FHIT: variants seen among roughly 807,000 people sequenced by gnomAD.
FHIT encodes fragile histidine triad diadenosine triphosphatase.
A neutral mutation model predicts 17.9 loss-of-function variants in FHIT; 19 were observed. The ratio of observed to expected loss-of-function variants is 1.06; its 90% CI spans 0.74 to 1.56. The LOEUF (loss-of-function observed/expected upper bound fraction) is 1.56, where lower values mean the gene tolerates loss of function less well. Among genes scored for constraint, FHIT ranks in the 40% most tolerant of loss-of-function variants. FHIT has a pLI of 0.00. For synonymous variants in FHIT, 81 were observed against 69.7 expected (o/e 1.16, Z -0.81); for missense variants, 248 against 189.2 (o/e 1.31, Z -1.82).
intron 5 of FHIT, among the ~76,000 whole-genome samples, chr3:60,101,323 C>G (rs1218823202): frequency 6.6e-6 from 1 of 152,244 alleles, no homozygotes; most frequent in Admixed American, 6.5e-5. Context: ...CTCTCCCTCA[C>G]ACCTCCTGCA....
At chr3:60,239,896 C>T (rs923908743) in intron 5 of FHIT, among the ~76,000 whole-genome samples, 3 of 152,148 alleles carry the variant, frequency 2.0e-5, no homozygotes, top group Admixed American at 1.3e-4. Context: ...CTCTATTCTA[C>T]TCTCCCTATT....
chr3:60,375,568 G>C (rs753492674), intron 5 of FHIT, among the ~76,000 whole-genome samples: 53 of 152,076 alleles, frequency 3.5e-4, no homozygotes, highest in Non-Finnish European at 6.2e-4. Context: ...CGGTGAGTGA[G>C]ACTCTGTCTC....
chr3:61,205,941 T>C (rs1239934763), intron 1 of FHIT, among the ~76,000 whole-genome samples: 3 of 147,396 alleles, frequency 2.0e-5, no homozygotes, highest in East Asian at 4.0e-4. Context: ...CTAGGGTTTT[T>C]ATGGTTTTAG....
intron 4 of FHIT, among the ~76,000 whole-genome samples, chr3:60,557,800 G>C (rs1472899265): frequency 1.3e-5 from 2 of 152,060 alleles, no homozygotes; most frequent in African/African-American, 4.8e-5. Flanking sequence ...GTTGAAAAAT[G>C]CATTTTGAGT....
chr3:60,097,317 G>T (rs1254578038), intron 5 of FHIT, among the ~76,000 whole-genome samples: 1 of 152,026 alleles, frequency 6.6e-6, no homozygotes, highest in African/African-American at 2.4e-5. Flanking sequence ...GACCATGATG[G>T]GTCTAAATAA....
At chr3:60,528,272 A>G (rs988619364) in intron 5 of FHIT, among the ~76,000 whole-genome samples, 2 of 152,218 alleles carry the variant, frequency 1.3e-5, no homozygotes, top group Admixed American at 1.3e-4. Flanking sequence ...TGCCTGTGTG[A>G]AACAAAATAT....
intron 2 of FHIT, among the ~76,000 whole-genome samples, chr3:61,162,423 G>T (rs1020070544): frequency 6.6e-6 from 1 of 152,184 alleles, no homozygotes; most frequent in Non-Finnish European, 1.5e-5. Flanking sequence ...ACCAAGGTAT[G>T]GCCAGCTGGA....
At chr3:60,694,862 A>G (rs1553700254) in intron 4 of FHIT, among the ~76,000 whole-genome samples, 1 of 152,072 alleles carries the variant, frequency 6.6e-6, no homozygotes, top group African/African-American at 2.4e-5. Context: ...GGAACTGAAC[A>G]ATGAAAACAC....
intron 8 of FHIT, among the ~76,000 whole-genome samples, chr3:59,878,978 T>C (rs1276599652): frequency 6.6e-6 from 1 of 151,486 alleles, no homozygotes; most frequent in Non-Finnish European, 1.5e-5. Context: ...CTATTTCGCA[T>C]AGGCTTGGTG....
intron 3 of FHIT, among the ~76,000 whole-genome samples, chr3:60,896,954 C>G (rs1705853801): frequency 6.6e-6 from 1 of 152,184 alleles, no homozygotes; most frequent in Non-Finnish European, 1.5e-5. Context: ...TTCATATCTT[C>G]TAGTTTATCC....
intron 5 of FHIT, among the ~76,000 whole-genome samples, chr3:60,156,245 G>C (rs1467756923): frequency 6.6e-6 from 1 of 151,818 alleles, no homozygotes; most frequent in Non-Finnish European, 1.5e-5. Context: ...AGCTACTCAG[G>C]AGGCTGAGGC....
intron 5 of FHIT, among the ~76,000 whole-genome samples, chr3:60,094,904 A>G (rs1235753484): frequency 1.3e-5 from 2 of 152,202 alleles, no homozygotes; most frequent in African/African-American, 4.8e-5. Context: ...AGTTTAGCAA[A>G]TGATTATGAG....
intron 3 of FHIT, among the ~76,000 whole-genome samples, chr3:60,884,869 T>C: frequency 6.8e-6 from 1 of 146,204 alleles, no homozygotes; most frequent in East Asian, 1.9e-4. Context: ...TGTGCCATTT[T>C]AACTTTACTC....
At chr3:61,174,789 A>G (rs2038108780) in intron 2 of FHIT, among the ~76,000 whole-genome samples, 1 of 152,230 alleles carries the variant, frequency 6.6e-6, no homozygotes, top group Admixed American at 6.5e-5. Context: ...CATAAATTAA[A>G]TGGGCAATTA....
intron 5 of FHIT, among the ~76,000 whole-genome samples, chr3:60,109,258 G>T (rs1193429696): frequency 3.9e-5 from 6 of 152,182 alleles, no homozygotes; most frequent in Non-Finnish European, 8.8e-5. Flanking sequence ...TAAAAGCCCA[G>T]TAAGAAATAT....
At chr3:60,263,317 G>T (rs1706397583) in intron 5 of FHIT, among the ~76,000 whole-genome samples, 1 of 151,908 alleles carries the variant, frequency 6.6e-6, no homozygotes, top group Non-Finnish European at 1.5e-5. Flanking sequence ...TTTAAATATA[G>T]CATGTGACTC....
chr3:61,232,564 CA>C (rs1179807231), intron 1 of FHIT, among the ~76,000 whole-genome samples: 1 of 152,108 alleles, frequency 6.6e-6, no homozygotes, highest in African/African-American at 2.4e-5. Context: ...TAATCAAAGA[CA>C]GGGGAGGACC....
At chr3:60,872,068 A>C (rs533449322) in intron 3 of FHIT, among the ~76,000 whole-genome samples, 1 of 152,150 alleles carries the variant, frequency 6.6e-6, no homozygotes, top group Non-Finnish European at 1.5e-5. Context: ...TTACAAGATC[A>C]TACTTCAGTA....
At chr3:60,858,687 T>A (rs143600026) in intron 3 of FHIT, among the ~76,000 whole-genome samples, 1 of 152,240 alleles carries the variant, frequency 6.6e-6, no homozygotes, top group African/African-American at 2.4e-5. Flanking sequence ...TCACCACTAA[T>A]CGGAGACAGA....
Sources: gnomAD v4.1 joint callset for allele counts (sites outside exome capture counted in the v4.1 genomes callset) on GRCh38, gnomAD v4.1.1 for gene constraint, MANE v1.5 for transcripts, NCBI Gene and HGNC (gene_info 2026-07-23, HGNC 2026-07-21) for gene names.